Variants in ANO4 observed in about 807,000 individuals in gnomAD.
ANO4 encodes anoctamin 4.
Under a neutral mutation model 141.9 loss-of-function variants are expected in ANO4, and 69 were observed. That is an observed-to-expected ratio of 0.49 (90% CI 0.40 to 0.59). The LOEUF is 0.59. Ranked by LOEUF, ANO4 falls within the 20% of genes least tolerant of loss-of-function variation. The pLI, the probability that ANO4 is intolerant of heterozygous loss-of-function variation, is 0.00. For missense variants in ANO4, 894 were observed against 1,162.2 expected (o/e 0.77, Z 3.36); for synonymous variants, 350 against 394.3 (o/e 0.89, Z 1.33).
chr12:101,026,296 TTAAA>T (rs2046732644), intron 9 of ANO4, among the ~76,000 whole-genome samples: 1 of 152,202 alleles, frequency 6.6e-6, no homozygotes, highest in African/African-American at 2.4e-5. Context: ...ATATGAAATA[TTAAA>T]TACTTAAGGA....
chr12:101,039,934 G>A, intron 10 of ANO4, 21 bp from the exon 11 acceptor site: 1 of 1,604,048 alleles, frequency 6.2e-7, no homozygotes, highest in East Asian at 2.2e-5. Flanking sequence ...TACCTCACTG[G>A]CAGTGGTGTT....
chr12:100,755,630 T>G (rs777507225), intron 3 of ANO4, among the ~76,000 whole-genome samples: 1 of 152,248 alleles, frequency 6.6e-6, no homozygotes, highest in African/African-American at 2.4e-5. Context: ...TCACTATGCC[T>G]GTACTTTGTT....
At chr12:100,878,462 T>TA (rs1184068542) in intron 1 of ANO4, among the ~76,000 whole-genome samples, 2 of 152,200 alleles carry the variant, frequency 1.3e-5, no homozygotes, top group Non-Finnish European at 2.9e-5. Flanking sequence ...CTCACTGAGA[T>TA]ACTAAATGAG....
chr12:100,745,780 G>A (rs1192449110), intron 3 of ANO4, among the ~76,000 whole-genome samples: 1 of 152,232 alleles, frequency 6.6e-6, no homozygotes, highest in Non-Finnish European at 1.5e-5. Context: ...CCCCAGAATT[G>A]ATGAGGAGAC....
intron 5 of ANO4, among the ~76,000 whole-genome samples, chr12:100,964,344 C>G (rs762006561): frequency 6.6e-6 from 1 of 152,006 alleles, no homozygotes. Context: ...ATAATAATAC[C>G]GGGGTTGCTG....
Position 101,083,677 on chromosome 12 carries a change from G to A in ANO4, c.1396-1G>A. ...TTAAAATGTGTCTGCTTGTCCTTTA[G>A]GAAGAAATACGACCCCAGTTTGAAG... On this transcript the variant is annotated splice_acceptor_variant, in intron 15 of 27. Coordinates refer to ENST00000392977, the MANE Select transcript of ANO4 (RefSeq NM_001286615.2). LOFTEE classifies it high-confidence loss of function. 1 of 1,602,580 alleles carries A rather than the reference G, an allele frequency of 6.2e-7. No homozygotes were observed. The highest frequency in any genetic ancestry group is 8.5e-7 in the Non-Finnish European group (1 of 1,177,418).
Position 101,110,439 on chromosome 12 carries a change from G to A in ANO4, c.2185G>A (p.Ala729Thr), listed in dbSNP as rs2062569652. 2 of 1,608,094 alleles carry A rather than the reference G, an allele frequency of 1.2e-6. No individual in the cohort carries two copies. Among genetic ancestry groups the A allele is most frequent in the Admixed American group, 1.7e-5 (1 of 59,066 alleles). ...TGGATTCACAACTATCTTTGTGGCA[G>A]CTTTTCCCCTAGCACCACTTCTGGC... is the stretch of plus-strand genomic sequence containing the variant. ...QFGFTTIFVA[A>T]FPLAPLLALL... Residue 729 changes from alanine (A) to threonine (T), a missense_variant, in exon 23 of 28, where the codon GCT becomes ACT. Physicochemically the swap from Ala to Thr is moderately conservative, Grantham distance 58 (BLOSUM62 0). Transcript: ENST00000392977.
chr12:100,864,762 C>T (rs886321834), intron 1 of ANO4, among the ~76,000 whole-genome samples: 10 of 152,048 alleles, frequency 6.6e-5, no homozygotes, highest in South Asian at 2.1e-4. Flanking sequence ...GATATACATG[C>T]GCCATGGTGG....
chr12:101,083,648 T>G (rs769720034), intron 15 of ANO4, 30 bp from the exon 16 acceptor site: 1 of 1,592,236 alleles, frequency 6.3e-7, no homozygotes, highest in Non-Finnish European at 8.5e-7. Flanking sequence ...ACCTCTTTAG[T>G]GCATTAAAAT....
chr12:100,973,035 C>G (rs2044000522), intron 6 of ANO4, among the ~76,000 whole-genome samples: 1 of 152,074 alleles, frequency 6.6e-6, no homozygotes, highest in Non-Finnish European at 1.5e-5. Flanking sequence ...AGAATGTGAA[C>G]CAAGCAATGA....
chr12:100,942,283 A>G, intron 4 of ANO4, 94 bp from the exon 5 acceptor site: 1 of 1,459,532 alleles, frequency 6.9e-7, no homozygotes, highest in Non-Finnish European at 9.3e-7. Context: ...CCGAACTGAA[A>G]AAAGTTATTT....
At chr12:100,894,762 T>C (rs998372544) in intron 1 of ANO4, among the ~76,000 whole-genome samples, 6 of 151,870 alleles carry the variant, frequency 4.0e-5, no homozygotes, top group Admixed American at 2.6e-4. Flanking sequence ...GTCAGGAGAT[T>C]GAGACCATCC....
At position 100,902,625 on chromosome 12, in the gene ANO4, C is replaced by A. The variant is rs544267864; in HGVS notation, c.55+785C>A. Among the ~76,000 whole-genome samples the A allele has an allele frequency of 2.6e-4, 40 of 152,324 alleles. 1 individual carries two copies. In the South Asian group the frequency reaches 8.3e-3, roughly 32 times the overall value. On this transcript the variant is annotated intron_variant, in intron 2 of 27. Transcript: ENST00000392977. ...AATGTCCTAGTGGATGACCACACAG[C>A]TGCTACTGAAGCCAGCCTCCATCTC...
chr12:100,925,549 A>G (rs933829476), intron 3 of ANO4, among the ~76,000 whole-genome samples: 3 of 151,818 alleles, frequency 2.0e-5, no homozygotes, highest in African/African-American at 7.3e-5. Context: ...AATGTAGATG[A>G]CGGGTTGATA....
intron 5 of ANO4, among the ~76,000 whole-genome samples, chr12:100,944,197 T>G (rs1185781399): frequency 6.6e-6 from 1 of 152,162 alleles, no homozygotes; most frequent in Non-Finnish European, 1.5e-5. Context: ...ATGGAAAGTG[T>G]CCTGTTGTGT....
intron 1 of ANO4, among the ~76,000 whole-genome samples, chr12:100,889,883 G>T (rs1161479925): frequency 6.6e-6 from 1 of 152,008 alleles, no homozygotes; most frequent in Non-Finnish European, 1.5e-5. Context: ...ATAAATAAAT[G>T]GAAGAATAAA....
chr12:100,941,843 T>G (rs1204075480), intron 4 of ANO4, among the ~76,000 whole-genome samples: 2 of 151,992 alleles, frequency 1.3e-5, no homozygotes, highest in Non-Finnish European at 2.9e-5. Flanking sequence ...ACACACGGTA[T>G]TTTTAGATGT....
chr12:101,020,261 T>A (rs1207384016), intron 9 of ANO4, 121 bp downstream of exon 9: 2 of 655,868 alleles, frequency 3.0e-6, no homozygotes, highest in Non-Finnish European at 5.2e-6. Context: ...AACCCCTAAC[T>A]AATCCTTTGA....
At chr12:100,917,575 G>T (rs1458239767) in intron 2 of ANO4, among the ~76,000 whole-genome samples, 2 of 152,174 alleles carry the variant, frequency 1.3e-5, no homozygotes, top group East Asian at 3.9e-4. Flanking sequence ...TAAGTTAAAG[G>T]TGGAGATTGT....
Sources: gnomAD v4.1 joint callset for allele counts (sites outside exome capture counted in the v4.1 genomes callset) on GRCh38, gnomAD v4.1.1 for gene constraint, MANE v1.5 for transcripts, NCBI Gene and HGNC (gene_info 2026-07-23, HGNC 2026-07-21) for gene names.